The following SDK1 variants were observed in gnomAD, a reference collection of about 807,000 sequenced individuals.
SDK1 encodes the protein protein sidekick-1.
SDK1 carries 157 observed loss-of-function variants against 245.5 expected under a neutral mutation model. That is an observed-to-expected ratio of 0.64 (90% CI 0.56 to 0.73). SDK1 has a LOEUF of 0.73. Ranked by LOEUF, SDK1 falls within the 30% of genes least tolerant of loss-of-function variation. The pLI is 0.00. For synonymous variants in SDK1, 1,647 were observed against 1,278.5 expected, an observed-to-expected ratio of 1.29 and a Z score of -6.15; for missense variants, 3,583 against 3,002.3, an observed-to-expected ratio of 1.19 and a Z score of -4.52.
intron 4 of SDK1, among the ~76,000 whole-genome samples, chr7:3,651,943 T>C (rs1783026204): frequency 6.6e-6 from 1 of 152,144 alleles, no homozygotes; most frequent in Non-Finnish European, 1.5e-5. Context: ...AGGACGGTAT[T>C]TTCAGACAAG....
At chr7:4,265,012 G>T (rs1457468609) in intron 44 of SDK1, 112 bp from the exon 45 acceptor site, 1 of 1,478,182 alleles carries the variant, frequency 6.8e-7, no homozygotes, top group African/African-American at 1.4e-5. Flanking sequence ...GAGGGCTGGA[G>T]ACCGCGACAC....
At chr7:3,584,944 C>T (rs933441858) in intron 1 of SDK1, among the ~76,000 whole-genome samples, 1 of 151,814 alleles carries the variant, frequency 6.6e-6, no homozygotes, top group African/African-American at 2.4e-5. Flanking sequence ...CAGGATGGTC[C>T]CGATCTCCTG....
intron 13 of SDK1, among the ~76,000 whole-genome samples, chr7:3,986,002 G>A (rs1003097077): frequency 2.6e-5 from 4 of 152,080 alleles, no homozygotes; most frequent in Non-Finnish European, 5.9e-5. Flanking sequence ...CCTCTTCCCG[G>A]CACTGCCTGG....
intron 22 of SDK1, among the ~76,000 whole-genome samples, chr7:4,109,984 C>G (rs1783231074): frequency 6.6e-6 from 1 of 152,240 alleles, no homozygotes; most frequent in East Asian, 1.9e-4. Context: ...GGAGGGCACC[C>G]TGCAGGCATC....
At chr7:3,881,291 C>T (rs933168272) in intron 5 of SDK1, among the ~76,000 whole-genome samples, 1 of 152,022 alleles carries the variant, frequency 6.6e-6, no homozygotes, top group African/African-American at 2.4e-5. Context: ...TGTGTTGTTC[C>T]CCCGCCATGT....
intron 14 of SDK1, among the ~76,000 whole-genome samples, chr7:4,007,014 C>G (rs539496087): frequency 6.6e-6 from 1 of 152,356 alleles, no homozygotes; most frequent in African/African-American, 2.4e-5. Context: ...TCTTGACTGT[C>G]TCTTTCTGAA....
chr7:4,164,315 G>A (rs929829605), intron 32 of SDK1, among the ~76,000 whole-genome samples: 1 of 152,184 alleles, frequency 6.6e-6, no homozygotes, highest in Non-Finnish European at 1.5e-5. Flanking sequence ...AGGCCCCTCT[G>A]ACTCCAGGTT....
intron 20 of SDK1, among the ~76,000 whole-genome samples, chr7:4,070,276 G>C (rs1377099338): frequency 1.3e-5 from 2 of 152,142 alleles, no homozygotes; most frequent in Non-Finnish European, 2.9e-5. Flanking sequence ...ATGGTCCCTC[G>C]TCACCCTCAT....
intron 4 of SDK1, among the ~76,000 whole-genome samples, chr7:3,801,469 G>T (rs757822513): frequency 2.0e-5 from 3 of 151,986 alleles, no homozygotes; most frequent in Non-Finnish European, 4.4e-5. Context: ...GAGTTCTTAC[G>T]GCTACATTTA....
rs1782656542 is a variant in SDK1 at position 3,641,798 on chromosome 7, A to G, written c.566-160A>G. Among the ~76,000 whole-genome samples the G allele has an allele frequency of 2.0e-5, 3 of 152,338 alleles. No homozygotes were observed. In the South Asian group the frequency reaches 6.2e-4, roughly 32 times the overall value. On this transcript the variant is annotated intron_variant, in intron 3 of 44. Coordinates refer to ENST00000404826, the MANE Select transcript of SDK1 (RefSeq NM_152744.4). ...TGCCCGGTGCTTCACTCGCAAGCAG[A>G]TCCGCGTTGGTCAGCGCTGCCGTGC...
intron 1 of SDK1, among the ~76,000 whole-genome samples, chr7:3,419,363 CTGT>C (rs1371098054): frequency 1.3e-5 from 2 of 152,176 alleles, no homozygotes; most frequent in African/African-American, 4.8e-5. Flanking sequence ...TTAGGATCCA[CTGT>C]TGTTCCCTCT....
At chr7:4,261,608 A>G (rs750176047) in intron 44 of SDK1, among the ~76,000 whole-genome samples, 3 of 152,144 alleles carry the variant, frequency 2.0e-5, no homozygotes, top group South Asian at 2.1e-4. Flanking sequence ...AAGAATGCAC[A>G]TTCCCCGGCC....
intron 1 of SDK1, among the ~76,000 whole-genome samples, chr7:3,504,591 G>A (rs971153584): frequency 3.3e-5 from 5 of 152,028 alleles, no homozygotes; most frequent in Admixed American, 6.6e-5. Flanking sequence ...AAATTGTGCT[G>A]GGACAACTGG....
chr7:3,780,494 T>A (rs1780698312), intron 4 of SDK1, among the ~76,000 whole-genome samples: 1 of 152,158 alleles, frequency 6.6e-6, no homozygotes, highest in Non-Finnish European at 1.5e-5. Context: ...CCAGTCAACT[T>A]CATAACCCAC....
intron 20 of SDK1, among the ~76,000 whole-genome samples, chr7:4,075,049 C>G (rs775843577): frequency 1.3e-5 from 2 of 151,340 alleles, no homozygotes; most frequent in African/African-American, 2.4e-5. Context: ...AGCAGCCAGG[C>G]GCCTTTGATG....
At chr7:3,993,388 A>G (rs942118471) in intron 14 of SDK1, among the ~76,000 whole-genome samples, 1 of 152,202 alleles carries the variant, frequency 6.6e-6, no homozygotes, top group Admixed American at 6.5e-5. Context: ...CTGCTGTTGT[A>G]TGTCTTGTGG....
At chr7:4,027,992 AAGG>A (rs1340981237) in intron 17 of SDK1, among the ~76,000 whole-genome samples, 2 of 151,948 alleles carry the variant, frequency 1.3e-5, no homozygotes, top group African/African-American at 2.4e-5. Flanking sequence ...GGAAGAAAGA[AAGG>A]AGCAGAGAGG....
intron 1 of SDK1, among the ~76,000 whole-genome samples, chr7:3,391,719 C>T (rs1325828667): frequency 6.7e-6 from 1 of 150,358 alleles, no homozygotes; most frequent in African/African-American, 2.5e-5. Context: ...TCACTGCAAC[C>T]TCCGCTTGCC....
chr7:4,183,988 C>T (rs1351523954), intron 35 of SDK1, among the ~76,000 whole-genome samples: 4 of 152,306 alleles, frequency 2.6e-5, no homozygotes, highest in South Asian at 2.1e-4. Context: ...CACACTCCTC[C>T]GGGTTCTGTG....
Sources: gnomAD v4.1 joint callset for allele counts (sites outside exome capture counted in the v4.1 genomes callset) on GRCh38, gnomAD v4.1.1 for gene constraint, MANE v1.5 for transcripts, NCBI Gene and HGNC (gene_info 2026-07-23, HGNC 2026-07-21) for gene names.